The following IQSEC1 variants were observed in gnomAD, a reference collection of about 807,000 sequenced individuals.
IQSEC1 encodes the protein IQ motif and Sec7 domain ArfGEF 1, also known as IQ motif and SEC7 domain-containing protein 1.
Under a neutral mutation model 91.0 loss-of-function variants are expected in IQSEC1, and 31 were observed. The observed-to-expected ratio is 0.34, with a 90% CI of 0.26 to 0.46. IQSEC1 has a LOEUF of 0.46. Ranked by LOEUF, IQSEC1 falls within the 20% of genes least tolerant of loss-of-function variation. The pLI is 1.00. For missense variants in IQSEC1, 1,388 were observed against 1,575.6 expected (o/e 0.88, Z 2.02); for synonymous variants, 699 against 662.6 (o/e 1.05, Z -0.84).
chr3:12,898,433 C>T lies in IQSEC1; in HGVS notation c.*2550G>A, dbSNP rs1259326107. On this transcript the variant is annotated 3_prime_UTR_variant, in exon 14 of 14. Coordinates refer to ENST00000613206, the MANE Select transcript of IQSEC1 (RefSeq NM_001134382.3). Reference sequence around the variant, plus strand: ...AGGGCTCAGTGGGTTCCAGCAGTTCCTTACGCGAGGCCCTGCTGCCCAGCA... The same window carrying T: ...AGGGCTCAGTGGGTTCCAGCAGTTCTTTACGCGAGGCCCTGCTGCCCAGCA... 2 of 152,276 alleles carry T rather than the reference C, an allele frequency of 1.3e-5. No homozygotes were observed. Among genetic ancestry groups the T allele is most frequent in the African/African-American group, 2.4e-5 (1 of 41,462 alleles). 9.4% of individuals were successfully genotyped at this position (152,276 alleles called of 1,614,324 possible). A position where few individuals can be genotyped will look rare whatever the true frequency, so the allele number is the denominator to read the frequency against.
intron 1 of IQSEC1, among the ~76,000 whole-genome samples, chr3:13,210,718 C>T (rs560557780): frequency 2.0e-5 from 3 of 152,278 alleles, no homozygotes; most frequent in African/African-American, 4.8e-5. Context: ...TCTCGGGGGC[C>T]GAACTCCACA....
rs751886208 is a variant in IQSEC1 at position 13,259,877 on chromosome 3, G to A, written c.272+22834C>T. 6.6e-6 allele frequency among the ~76,000 whole-genome samples: 1 copy of A among 152,240 alleles called. No homozygotes were observed. Among genetic ancestry groups the A allele is most frequent in the Non-Finnish European group, 1.5e-5 (1 of 68,044 alleles). ...GCGGGAGAAGTTTCTACCATATACA[G>A]TTATTAATGACTTTATTTATATACC... On this transcript the variant is annotated intron_variant, in intron 1 of 15. Transcript: ENST00000648114. The surrounding 1 kb of genome is among the most constrained non-coding windows in gnomAD (Gnocchi z 4.6).
chr3:13,187,183 G>A (rs1693948488), intron 1 of IQSEC1, among the ~76,000 whole-genome samples: 1 of 152,160 alleles, frequency 6.6e-6, no homozygotes, highest in African/African-American at 2.4e-5. Flanking sequence ...TATCTACTAT[G>A]GGTTAGGCAC....
At chr3:13,224,322 C>T (rs868497105) in intron 1 of IQSEC1, among the ~76,000 whole-genome samples, 8 of 152,174 alleles carry the variant, frequency 5.3e-5, no homozygotes, top group African/African-American at 9.6e-5. Context: ...ATTATCAGGC[C>T]CCGAGAGGAA....
Position 13,270,302 on chromosome 3 carries a change from T to A in IQSEC1, c.272+12409A>T, listed in dbSNP as rs538116041. ...ACAGGCCAACAAATAAACCTTACGG[T>A]GACTGAATGATGGATTAATTGACTT... is the stretch of plus-strand genomic sequence containing the variant. On this transcript the variant is annotated intron_variant, in intron 1 of 15. Coordinates refer to the IQSEC1 transcript ENST00000648114. Among the ~76,000 whole-genome samples, 7 of 152,370 alleles carry A rather than the reference T, an allele frequency of 4.6e-5. No individual in the cohort carries two copies. In the East Asian group the frequency reaches 1.3e-3, roughly 29 times the overall value.
Position 12,899,650 on chromosome 3 carries a change from G to T in IQSEC1, c.*1333C>A. On this transcript the variant is annotated 3_prime_UTR_variant, in exon 14 of 14. Coordinates refer to ENST00000613206, the MANE Select transcript of IQSEC1 (RefSeq NM_001134382.3). ...CACGGGCCACGGTGAGGACACAGGGGTTCTGCTAGCACATGGCTACATGGA... is the reference window on the plus strand; with the variant it reads ...CACGGGCCACGGTGAGGACACAGGGTTTCTGCTAGCACATGGCTACATGGA... 1.0e-6 allele frequency: 1 copy of T among 985,454 alleles called. No homozygotes were observed. Among genetic ancestry groups the T allele is most frequent in the South Asian group, 4.7e-5 (1 of 21,288 alleles). The allele number at this position is 985,454 out of a possible 1,614,324, so 61.0% of individuals were successfully genotyped here. A position where few individuals can be genotyped will look rare whatever the true frequency, so the allele number is the denominator to read the frequency against.
chr3:13,004,764 A>G (rs758072909), intron 1 of IQSEC1, among the ~76,000 whole-genome samples: 7 of 152,090 alleles, frequency 4.6e-5, no homozygotes, highest in Non-Finnish European at 8.8e-5. Flanking sequence ...AAGCATTATC[A>G]AGGGGGGAGG....
chr3:13,241,526 G>A lies in IQSEC1; in HGVS notation c.272+41185C>T, dbSNP rs543222318. 2.0e-5 allele frequency among the ~76,000 whole-genome samples: 3 copies of A among 152,360 alleles called. No homozygotes were observed. The South Asian group carries it at 6.2e-4, about 32-fold the overall frequency. On this transcript the variant is annotated intron_variant, in intron 1 of 15. Coordinates refer to the IQSEC1 transcript ENST00000648114. Reference sequence around the variant, plus strand: ...ACCTTGCCCAGCCCTTGAAGTCACAGCCTCTCCCTCGGGGACTGGTTTCCA... The same window carrying A: ...ACCTTGCCCAGCCCTTGAAGTCACAACCTCTCCCTCGGGGACTGGTTTCCA...
intron 1 of IQSEC1, among the ~76,000 whole-genome samples, chr3:13,236,650 G>A (rs891239477): frequency 6.6e-6 from 1 of 152,220 alleles, no homozygotes; most frequent in Admixed American, 6.5e-5. Flanking sequence ...CCCCTGCAGA[G>A]GTGGAGATAG....
chr3:13,082,885 G>C (rs948939217), intron 2 of IQSEC1, among the ~76,000 whole-genome samples: 1 of 152,120 alleles, frequency 6.6e-6, no homozygotes, highest in African/African-American at 2.4e-5. Context: ...AGCTCTTCCC[G>C]GCCCCAGGGC....
chr3:12,993,091 C>T (rs1371069864), intron 1 of IQSEC1, among the ~76,000 whole-genome samples: 1 of 152,164 alleles, frequency 6.6e-6, no homozygotes, highest in Non-Finnish European at 1.5e-5. Flanking sequence ...CACCTCATCC[C>T]CCTGCTGCCA....
At chr3:13,111,124 G>A (rs1706237968) in intron 2 of IQSEC1, among the ~76,000 whole-genome samples, 1 of 152,204 alleles carries the variant, frequency 6.6e-6, no homozygotes, top group Admixed American at 6.5e-5. Flanking sequence ...AGGCTGGAGA[G>A]CAAAACACTG....
Position 12,900,853 on chromosome 3 carries a change from G to T in IQSEC1, c.*130C>A. On this transcript the variant is annotated 3_prime_UTR_variant, in exon 14 of 14. Transcript: ENST00000613206. ...CTGTGGGCTCCTGGGGCTCCGGTTGGGCCGTGAGGGGCAGAGGGGAGAGAT... is the reference window on the plus strand; with the variant it reads ...CTGTGGGCTCCTGGGGCTCCGGTTGTGCCGTGAGGGGCAGAGGGGAGAGAT... The T allele has an allele frequency of 2.0e-6, 3 of 1,526,654 alleles. No individual in the cohort carries two copies. The highest frequency in any genetic ancestry group is 2.6e-6 in the Non-Finnish European group (3 of 1,142,314). The allele number at this position is 1,526,654 out of a possible 1,614,324, so 94.6% of individuals were successfully genotyped here. A position where few individuals can be genotyped will look rare whatever the true frequency, so the allele number is the denominator to read the frequency against.
chr3:13,138,980 T>C (rs1346416643), intron 2 of IQSEC1, among the ~76,000 whole-genome samples: 1 of 152,074 alleles, frequency 6.6e-6, no homozygotes, highest in Non-Finnish European at 1.5e-5. Context: ...GCTCTGAGGC[T>C]CTGCCCCCAC....
chr3:13,043,193 C>A (rs1184517363), intron 1 of IQSEC1, among the ~76,000 whole-genome samples: 1 of 152,220 alleles, frequency 6.6e-6, no homozygotes, highest in African/African-American at 2.4e-5. Flanking sequence ...CACAGACAAC[C>A]AGGCGCATTG....
intron 9 of IQSEC1, among the ~76,000 whole-genome samples, chr3:12,912,588 C>T (rs550569031): frequency 2.3e-4 from 34 of 146,082 alleles, no homozygotes; most frequent in Admixed American, 7.7e-4. Context: ...GGCGTGAACC[C>T]GGGAAGCGGA....
Position 13,038,262 on chromosome 3 carries a change from GTATATATATATATA to G in IQSEC1, c.23+34716_23+34729del, listed in dbSNP as rs58338571. Among the ~76,000 whole-genome samples the G allele has an allele frequency of 5.0e-4, 51 of 101,218 alleles. 1 individual carries two copies. In the South Asian group the frequency reaches 8.8e-3, roughly 17 times the overall value. 66.4% of individuals were successfully genotyped at this position (101,218 alleles called of 152,430 possible). On this transcript the variant is annotated intron_variant, in intron 1 of 13. Coordinates refer to ENST00000613206, the MANE Select transcript of IQSEC1 (RefSeq NM_001134382.3). ...CAAGTATATATATGTGTGTGTGTGT[GTATATATATATATA>G]TATATATATATATATATATATAAAA...
chr3:12,978,582 G>A (rs1701300841), intron 1 of IQSEC1, among the ~76,000 whole-genome samples: 1 of 151,990 alleles, frequency 6.6e-6, no homozygotes. Flanking sequence ...GCGGGTGCCT[G>A]TACTCCCAGC....
chr3:13,247,348 G>T (rs1317770741), intron 1 of IQSEC1, among the ~76,000 whole-genome samples: 1 of 152,186 alleles, frequency 6.6e-6, no homozygotes, highest in Non-Finnish European at 1.5e-5. Context: ...CTGTCCGGCT[G>T]TCATTTCCTC....
Sources: gnomAD v4.1 joint callset for allele counts (sites outside exome capture counted in the v4.1 genomes callset) on GRCh38, gnomAD v4.1.1 for gene constraint, Gnocchi (gnomAD v3.1) non-coding constraint, MANE v1.5 for transcripts, NCBI Gene and HGNC (gene_info 2026-07-23, HGNC 2026-07-21) for gene names.